Variants in LAMA1 observed in about 807,000 individuals in gnomAD.
LAMA1 encodes laminin subunit alpha 1.
Under a neutral mutation model 348.7 loss-of-function variants are expected in LAMA1, and 219 were observed. The ratio of observed to expected loss-of-function variants is 0.63; its 90% CI spans 0.56 to 0.70. LAMA1 has a LOEUF of 0.70. Ranked by LOEUF, LAMA1 falls within the 30% of genes least tolerant of loss-of-function variation. The probability of loss-of-function intolerance (pLI) is 0.00; values close to 1 mark genes in which losing one functional copy is unlikely to be tolerated. For synonymous variants in LAMA1, 1,487 were observed against 1,491.0 expected (o/e 1.00, Z 0.06); for missense variants, 3,744 against 3,888.0 (o/e 0.96, Z 0.99).
Position 6,966,178 on chromosome 18 carries a change from C to G in LAMA1, c.7019G>C (p.Gly2340Ala). The G allele has an allele frequency of 6.2e-7, 1 of 1,614,072 alleles. No individual in the cohort carries two copies. The highest frequency in any genetic ancestry group is 8.5e-7 in the Non-Finnish European group (1 of 1,180,000). The part of the protein sequence containing the change: ...IMLFNTFSPN[G>A]LLLYLGSYGT... ...GTATGAACCCAGGTAGAGAAGAAGT[C>G]CATTAGGTGAAAAGGTATTAAAAAG... Residue 2340 changes from glycine to alanine, a missense_variant, in exon 49 of 63, where the codon GGA (glycine) becomes GCA (alanine). Gly to Ala is a moderately conservative substitution (Grantham distance 60). Around this residue, in one of 3 missense-constraint regions of LAMA1, gnomAD observed 1,983 missense variants for 1,934.3 expected, o/e 1.03. Coordinates refer to ENST00000389658, the MANE Select transcript of LAMA1 (RefSeq NM_005559.4).
At chr18:7,077,030 T>C (rs1404342789) in intron 3 of LAMA1, 1 of 152,040 alleles carries the variant, frequency 6.6e-6, no homozygotes, top group Non-Finnish European at 1.5e-5. Context: ...TAATGTGCTT[T>C]GTTTAAAAAA....
At chr18:6,972,111 G>A in intron 47 of LAMA1, 130 bp from the exon 48 acceptor site, 2 of 1,036,168 alleles carry the variant, frequency 1.9e-6, no homozygotes, top group Non-Finnish European at 2.9e-6. Context: ...AGCCACATTA[G>A]AAAAAAGCCA....
intron 41 of LAMA1, among the ~76,000 whole-genome samples, chr18:6,981,537 A>C (rs1378506187): frequency 6.6e-6 from 1 of 152,206 alleles, no homozygotes; most frequent in East Asian, 1.9e-4. Context: ...TAAAACGTGA[A>C]ATTTTAATTG....
rs890560577 is a variant in LAMA1, at chr18:7,042,418, G to A, written c.1156-168C>T. 13 of 605,050 alleles carry A rather than the reference G, an allele frequency of 2.1e-5. No homozygotes were observed. In the African/African-American group the frequency reaches 2.2e-4, roughly 10 times the overall value. 37.5% of individuals were successfully genotyped at this position (605,050 alleles called of 1,614,324 possible). A position where few individuals can be genotyped will look rare whatever the true frequency, so the allele number is the denominator to read the frequency against. ...GGAAGATAAGATGATCCCAAGCCAG[G>A]AAGCCCAAACATCTTTTTGATGGTG... is the stretch of plus-strand genomic sequence containing the variant. On this transcript the variant is annotated intron_variant, in intron 8 of 62. Coordinates refer to ENST00000389658, the MANE Select transcript of LAMA1 (RefSeq NM_005559.4).
chr18:6,953,145 C>T (rs1464516853), intron 57 of LAMA1, among the ~76,000 whole-genome samples: 4 of 149,656 alleles, frequency 2.7e-5, no homozygotes, highest in Non-Finnish European at 5.9e-5. Flanking sequence ...CGGATCCACG[C>T]CATGGGAGCC....
chr18:7,032,225 A>T (rs1472068321), intron 15 of LAMA1, 49 bp from the exon 16 acceptor site: 1 of 1,214,536 alleles, frequency 8.2e-7, no homozygotes, highest in Non-Finnish European at 1.2e-6. Context: ...TACAAACAGA[A>T]ACTGCTCAGT....
At position 6,978,255 on chromosome 18, in the gene LAMA1, G is replaced by A. The variant is rs142732096; in HGVS notation, c.6131C>T (p.Ser2044Phe). 3.1e-6 allele frequency: 5 copies of A among 1,614,222 alleles called. No individual in the cohort carries two copies. The highest frequency in any genetic ancestry group is 3.4e-6 in the Non-Finnish European group (4 of 1,180,044). The change falls in exon 43 of 63, where the codon TCC becomes TTC. Residue 2044 changes from serine (S) to phenylalanine (F), a missense_variant. By Grantham distance (155) the Ser-to-Phe change is radical. Around this residue, in one of 3 missense-constraint regions of LAMA1, gnomAD observed 1,983 missense variants for 1,934.3 expected, o/e 1.03. Transcript: ENST00000389658. Reference sequence around the variant, plus strand: ...CTCTCGTAATGTGGTGTTGACCCTGGACAGGCTGGCAGATGTGTTCAGCAG... The same window carrying A: ...CTCTCGTAATGTGGTGTTGACCCTGAACAGGCTGGCAGATGTGTTCAGCAG... Reference protein sequence around the residue: ...QELLNTSASLSRVNTTLRETH... With the variant: ...QELLNTSASLFRVNTTLRETH...
chr18:7,037,337 C>A (rs1598291969), intron 12 of LAMA1, among the ~76,000 whole-genome samples: 1 of 152,250 alleles, frequency 6.6e-6, no homozygotes, highest in East Asian at 1.9e-4. Context: ...GAGACTTCAC[C>A]AAACACACTG....
At chr18:7,010,498 A>C in intron 25 of LAMA1, 113 bp from the exon 26 acceptor site, 2 of 985,974 alleles carry the variant, frequency 2.0e-6, no homozygotes, top group Non-Finnish European at 3.1e-6. Flanking sequence ...AATACATCAC[A>C]TGGGTGAAAT....
intron 3 of LAMA1, among the ~76,000 whole-genome samples, chr18:7,060,733 A>G (rs761905182): frequency 3.9e-5 from 6 of 152,148 alleles, no homozygotes; most frequent in Non-Finnish European, 8.8e-5. Flanking sequence ...TACTTCAAAC[A>G]CCTGTCAGAA....
intron 1 of LAMA1, among the ~76,000 whole-genome samples, chr18:7,094,565 A>C (rs1486084587): frequency 2.0e-5 from 3 of 152,104 alleles, no homozygotes; most frequent in Admixed American, 1.3e-4. Flanking sequence ...TCCTTCCAGC[A>C]GCTTTCTGTC....
chr18:7,024,233 T>G, intron 18 of LAMA1, 147 bp downstream of exon 18: 1 of 654,110 alleles, frequency 1.5e-6, no homozygotes, highest in Non-Finnish European at 2.7e-6. Context: ...TTTTAAAACA[T>G]GAAATACTGA....
intron 1 of LAMA1, among the ~76,000 whole-genome samples, chr18:7,106,781 C>T (rs2058313661): frequency 6.6e-6 from 1 of 152,192 alleles, no homozygotes; most frequent in South Asian, 2.1e-4. Flanking sequence ...ACAGAGGGAA[C>T]TTCTGTGTCA....
chr18:7,044,872 A>C, intron 6 of LAMA1, 33 bp from the exon 7 acceptor site: 3 of 1,431,492 alleles, frequency 2.1e-6, no homozygotes, highest in Non-Finnish European at 3.0e-6. Flanking sequence ...CTGAATTAGA[A>C]AATGTATCTG....
intron 28 of LAMA1, among the ~76,000 whole-genome samples, chr18:7,007,612 T>TA (rs2057838545): frequency 1.3e-5 from 2 of 152,158 alleles, no homozygotes; most frequent in Non-Finnish European, 2.9e-5. Context: ...TACCATATGA[T>TA]TCTGCAAGTC....
chr18:6,996,134 T>C (rs1222703236), intron 33 of LAMA1, among the ~76,000 whole-genome samples: 1 of 152,206 alleles, frequency 6.6e-6, no homozygotes, highest in Admixed American at 6.5e-5. Context: ...AAATATTCTT[T>C]TTTTTATAGA....
intron 32 of LAMA1, among the ~76,000 whole-genome samples, chr18:6,999,044 T>G (rs1466270141): frequency 6.6e-6 from 1 of 151,180 alleles, no homozygotes; most frequent in African/African-American, 2.4e-5. Flanking sequence ...TTGTTTTTGT[T>G]TTTTTTTTAA....
intron 1 of LAMA1, among the ~76,000 whole-genome samples, chr18:7,109,742 A>C (rs989738238): frequency 6.6e-6 from 1 of 152,160 alleles, no homozygotes; most frequent in Non-Finnish European, 1.5e-5. Context: ...GGGGTGACTG[A>C]ACTTGGAGGG....
At chr18:7,080,908 G>A (rs1470919626) in intron 1 of LAMA1, among the ~76,000 whole-genome samples, 2 of 152,146 alleles carry the variant, frequency 1.3e-5, no homozygotes, top group Non-Finnish European at 2.9e-5. Context: ...AAATGTTTAG[G>A]AGTAAAGTCT....
Sources: gnomAD v4.1 joint callset for allele counts (sites outside exome capture counted in the v4.1 genomes callset) on GRCh38, gnomAD v4.1.1 for gene constraint, gnomAD v4.1.1 regional missense constraint, MANE v1.5 for transcripts, NCBI Gene and HGNC (gene_info 2026-07-23, HGNC 2026-07-21) for gene names.